Variants in RPS6KC1 observed in about 807,000 individuals in gnomAD.
RPS6KC1 encodes inactive ribosomal protein S6 kinase delta-1.
Under a neutral mutation model 103.8 loss-of-function variants are expected in RPS6KC1, and 54 were observed. The observed-to-expected ratio is 0.52, with a 90% CI of 0.42 to 0.65. RPS6KC1 has a LOEUF of 0.65. RPS6KC1 is among the 30% of genes least tolerant of loss of function. RPS6KC1 has a pLI of 0.00. For synonymous variants in RPS6KC1, 439 were observed against 438.7 expected, an observed-to-expected ratio of 1.00 and a Z score of -0.01; for missense variants, 1,151 against 1,253.8, an observed-to-expected ratio of 0.92 and a Z score of 1.24.
the RPS6KC1 span, among the ~76,000 whole-genome samples, chr1:213,781,502 A>G: frequency 2.0e-5 from 3 of 152,210 alleles, no homozygotes; most frequent in Admixed American, 2.0e-4. Flanking sequence ...TGGGGTATGA[A>G]TGGAAATTTT....
the RPS6KC1 span, chr1:213,492,572 G>T: frequency 1.3e-5 from 2 of 152,224 alleles, no homozygotes; most frequent in Non-Finnish European, 2.9e-5. Context: ...TTTCTACGAA[G>T]GAGGTAAGTG....
chr1:213,558,215 A>G, the RPS6KC1 span, among the ~76,000 whole-genome samples: 1 of 152,226 alleles, frequency 6.6e-6, no homozygotes, highest in African/African-American at 2.4e-5. Context: ...TGCAGATAAC[A>G]GGAGTTGGCA....
chr1:213,233,745 G>A (rs1280264231), intron 10 of RPS6KC1, among the ~76,000 whole-genome samples: 1 of 151,792 alleles, frequency 6.6e-6, no homozygotes, highest in African/African-American at 2.4e-5. Context: ...ATAGACTTAC[G>A]ACTTTTAAAT....
the RPS6KC1 span, among the ~76,000 whole-genome samples, chr1:213,763,671 A>G: frequency 6.6e-6 from 1 of 152,220 alleles, no homozygotes; most frequent in South Asian, 2.1e-4. Context: ...TCTGGTTGCT[A>G]GGATGGTTTT....
At chr1:213,394,280 C>G in the RPS6KC1 span, among the ~76,000 whole-genome samples, 3 of 152,076 alleles carry the variant, frequency 2.0e-5, no homozygotes, top group Admixed American at 1.3e-4. Flanking sequence ...CATGCTCGTG[C>G]CAATGATTAA....
At chr1:213,677,740 G>A in the RPS6KC1 span, among the ~76,000 whole-genome samples, 1 of 152,252 alleles carries the variant, frequency 6.6e-6, no homozygotes, top group South Asian at 2.1e-4. Context: ...GGGTGTGGTG[G>A]CTCATACCTG....
At chr1:213,233,384 G>C (rs554413804) in intron 10 of RPS6KC1, among the ~76,000 whole-genome samples, 16 of 152,292 alleles carry the variant, frequency 1.1e-4, no homozygotes, top group Admixed American at 1.0e-3. Flanking sequence ...TATTGAATTA[G>C]AGGTCATGTC....
chr1:213,216,063 A>G (rs1207654250), intron 8 of RPS6KC1, among the ~76,000 whole-genome samples: 2 of 152,254 alleles, frequency 1.3e-5, no homozygotes, highest in African/African-American at 2.4e-5. Context: ...TAAATGCTCA[A>G]TTAAAAGATA....
At chr1:213,538,526 C>T in the RPS6KC1 span, among the ~76,000 whole-genome samples, 34 of 152,136 alleles carry the variant, frequency 2.2e-4, no homozygotes, top group African/African-American at 7.7e-4. Flanking sequence ...TAAGGTAGAA[C>T]GAGAAAATAA....
chr1:213,057,918 A>G (rs2077483233), intron 1 of RPS6KC1, among the ~76,000 whole-genome samples: 1 of 151,212 alleles, frequency 6.6e-6, no homozygotes, highest in African/African-American at 2.4e-5. Flanking sequence ...GGAATGTGCC[A>G]CTGTGCCCAG....
At chr1:213,411,093 C>T in the RPS6KC1 span, among the ~76,000 whole-genome samples, 12 of 152,204 alleles carry the variant, frequency 7.9e-5, no homozygotes. Flanking sequence ...TTAGAGCACG[C>T]AGCCTTCATC....
chr1:213,389,714 A>G, the RPS6KC1 span, among the ~76,000 whole-genome samples: 1 of 152,138 alleles, frequency 6.6e-6, no homozygotes, highest in Admixed American at 6.5e-5. Context: ...CGAAAGAGAA[A>G]ATCTCACGGA....
At chr1:213,799,291 C>T in the RPS6KC1 span, among the ~76,000 whole-genome samples, 1 of 152,130 alleles carries the variant, frequency 6.6e-6, no homozygotes, top group African/African-American at 2.4e-5. Flanking sequence ...GTAATTATTT[C>T]TTAATATTTA....
the RPS6KC1 span, among the ~76,000 whole-genome samples, chr1:213,434,554 C>A: frequency 2.0e-5 from 3 of 152,278 alleles, no homozygotes; most frequent in African/African-American, 7.2e-5. Flanking sequence ...CTCCTGGGTT[C>A]AACCAATTCT....
At chr1:213,220,067 A>C (rs59518405) in intron 8 of RPS6KC1, among the ~76,000 whole-genome samples, 6,003 of 152,216 alleles carry the variant, frequency 0.039, 351 homozygotes, top group African/African-American at 0.13. Context: ...TATGAATTGA[A>C]TTCAGATGGG....
the RPS6KC1 span, among the ~76,000 whole-genome samples, chr1:213,571,829 C>T: frequency 2.0e-5 from 3 of 152,166 alleles, no homozygotes; most frequent in African/African-American, 7.2e-5. Flanking sequence ...CTCCCCAAAC[C>T]TTATGTGCAC....
At chr1:213,295,164 G>C in the RPS6KC1 span, among the ~76,000 whole-genome samples, 8 of 152,154 alleles carry the variant, frequency 5.3e-5, no homozygotes, top group Non-Finnish European at 1.2e-4. Context: ...TGGAAGTTCA[G>C]GATGAGGGTG....
At chr1:213,597,427 T>C in the RPS6KC1 span, among the ~76,000 whole-genome samples, 2 of 152,124 alleles carry the variant, frequency 1.3e-5, no homozygotes, top group African/African-American at 2.4e-5. Context: ...AGCGAGACTC[T>C]TTCAGGGAAT....
At chr1:213,407,512 G>T in the RPS6KC1 span, among the ~76,000 whole-genome samples, 30 of 152,320 alleles carry the variant, frequency 2.0e-4, no homozygotes, top group African/African-American at 7.2e-4. Context: ...GCCTGTTGTT[G>T]TCCAAGGCTT....
Sources: gnomAD v4.1 joint callset for allele counts (sites outside exome capture counted in the v4.1 genomes callset) on GRCh38, gnomAD v4.1.1 for gene constraint, MANE v1.5 for transcripts, NCBI Gene and HGNC (gene_info 2026-07-23, HGNC 2026-07-21) for gene names.